ZNF577: variants seen among roughly 807,000 people sequenced by gnomAD.
The protein encoded by ZNF577 is zinc finger protein 577.
In ZNF577, 14 loss-of-function variants were observed where a neutral mutation model predicts 13.9. That is an observed-to-expected ratio of 1.00 (90% CI 0.66 to 1.57). The LOEUF (loss-of-function observed/expected upper bound fraction) is 1.57, where lower values mean the gene tolerates loss of function less well. ZNF577 is among the 40% of genes most tolerant of loss of function. The probability of loss-of-function intolerance (pLI) is 0.00; values close to 1 mark genes in which losing one functional copy is unlikely to be tolerated. For missense variants in ZNF577, 555 were observed against 579.2 expected (o/e 0.96, Z 0.43); for synonymous variants, 203 against 202.9 (o/e 1.00, Z 0.00).
intron 5 of ZNF577, 112 bp downstream of exon 5, chr19:51,877,170 C>T (rs2122690506): frequency 2.4e-6 from 2 of 825,776 alleles, no homozygotes; most frequent in East Asian, 2.6e-5. Context: ...GTTTCTGGGC[C>T]ACCAACTACT....
downstream of ZNF577, chr19:51,862,827 C>T (rs1193489944): frequency 2.6e-5 from 4 of 152,716 alleles, no homozygotes. Flanking sequence ...CATATGGTTT[C>T]TCTCCTGTGT....
At position 51,857,406 on chromosome 19, in the gene ZNF577, GAA is replaced by G. The variant is rs1555745866; in HGVS notation, c.284-12477_284-12476del. On this transcript the variant is annotated intron_variant and NMD_transcript_variant, in intron 5 of 10. Coordinates refer to the ZNF577 transcript ENST00000638827. ...AGAAAGAAAGAAAGAAAGAAAGAAA[GAA>G]AGAAAGAAAGAAAGAAAGAAAAGAA... Among the ~76,000 whole-genome samples the G allele has an allele frequency of 3.2e-4, 39 of 123,610 alleles. 1 individual carries two copies. The highest frequency in any genetic ancestry group is 2.3e-4 in the Non-Finnish European group (14 of 61,854). 81.1% of individuals were successfully genotyped at this position (123,610 alleles called of 152,430 possible).
intron 5 of ZNF577, among the ~76,000 whole-genome samples, chr19:51,875,499 C>T (rs1313404585): frequency 6.6e-6 from 1 of 152,060 alleles, no homozygotes; most frequent in Admixed American, 6.5e-5. Context: ...TGATCAAATG[C>T]ACAGATGTCA....
Position 51,872,538 on chromosome 19 carries a change from T to C in ZNF577, c.1452A>G (p.Ser484=), listed in dbSNP as rs1405961761. ...CTTTCTGGTATCAGAAGATTTATTC[T>C]GATACAATATCTGTAAGATACAAGA... ...NYILYLTDIV[S]E is the part of the protein sequence containing the mutation. Residue 484 remains serine, a synonymous_variant, in exon 6 of 6, where the codon TCA becomes TCG. Coordinates refer to ENST00000638348, the MANE Select transcript of ZNF577 (RefSeq NM_001370449.1). 3 of 1,572,516 alleles carry C rather than the reference T, an allele frequency of 1.9e-6. No homozygotes were observed. The highest frequency in any genetic ancestry group is 2.2e-5 in the East Asian group (1 of 44,452).
At chr19:51,882,943 T>C (rs181844549) in intron 1 of ZNF577, among the ~76,000 whole-genome samples, 123 of 152,126 alleles carry the variant, frequency 8.1e-4, no homozygotes, top group East Asian at 7.3e-3. Context: ...CCTTTGGATA[T>C]GGCTGACTGC....
intron 9 of ZNF577, among the ~76,000 whole-genome samples, chr19:51,837,191 C>T (rs1438954565): frequency 3.9e-5 from 6 of 152,020 alleles, no homozygotes. Context: ...AGAGGGAAGG[C>T]TCCGGTTTTA....
intron 9 of ZNF577, among the ~76,000 whole-genome samples, chr19:51,818,104 C>T (rs1167912987): frequency 6.6e-6 from 1 of 151,840 alleles, no homozygotes; most frequent in Admixed American, 6.6e-5. Flanking sequence ...AGCAAACTGT[C>T]GCAAGGACAA....
At chr19:51,850,958 G>A (rs898890731) in intron 5 of ZNF577, among the ~76,000 whole-genome samples, 1 of 152,100 alleles carries the variant, frequency 6.6e-6, no homozygotes, top group Non-Finnish European at 1.5e-5. Flanking sequence ...GTAAGTTGAA[G>A]GTGATTTTTA....
intron 5 of ZNF577, among the ~76,000 whole-genome samples, chr19:51,851,545 T>G (rs2084378647): frequency 6.6e-6 from 1 of 152,170 alleles, no homozygotes; most frequent in Non-Finnish European, 1.5e-5. Context: ...GAGTCCTAAC[T>G]ACTAAGCTCA....
chr19:51,884,957 T>G (rs979239199), intron 1 of ZNF577, among the ~76,000 whole-genome samples: 1 of 152,248 alleles, frequency 6.6e-6, no homozygotes, highest in African/African-American at 2.4e-5. Context: ...TGATATTGAT[T>G]TATAGCTTAA....
At chr19:51,843,535 C>T (rs563864195) in intron 6 of ZNF577, among the ~76,000 whole-genome samples, 5 of 152,208 alleles carry the variant, frequency 3.3e-5, no homozygotes, top group African/African-American at 1.2e-4. Context: ...TTCATTTGCC[C>T]GATGTAAAGT....
At chr19:51,833,092 T>C (rs1417548758) in intron 9 of ZNF577, among the ~76,000 whole-genome samples, 1 of 152,234 alleles carries the variant, frequency 6.6e-6, no homozygotes, top group East Asian at 1.9e-4. Context: ...ACTGATGTCT[T>C]AATCATATTC....
chr19:51,873,488 A>G lies in ZNF577; in HGVS notation c.502T>C (p.Ser168Pro). ...TGTTGAATAAGCTGTGCTTTCCTGG[A>G]GAAGGCTCTCCCGCACACACTGCAT... ...HECSVCGRAF[S>P]RKAQLIQHQR... The change falls in exon 6 of 6, where the codon TCC becomes CCC. Residue 168 changes from serine (S) to proline (P), a missense_variant. Coordinates refer to ENST00000638348, the MANE Select transcript of ZNF577 (RefSeq NM_001370449.1). The G allele has an allele frequency of 1.2e-6, 2 of 1,614,176 alleles. No homozygotes were observed. The highest frequency in any genetic ancestry group is 2.2e-5 in the South Asian group (2 of 91,080).
rs774955674 is a variant in ZNF577, at chr19:51,873,248, C to T, written c.742G>A (p.Gly248Arg). The T allele has an allele frequency of 8.7e-6, 14 of 1,612,910 alleles. No individual in the cohort carries two copies. In the African/African-American group the frequency reaches 9.3e-5, roughly 11 times the overall value. ...CGGCACTTCCGGCTGAAGGCTTTTC[C>T]GCATTTGCTGCATCTGTAGGGTTTC... ...GEKPYRCSKCGKAFSRKCRLN... is the reference protein window; with the variant it reads ...GEKPYRCSKCRKAFSRKCRLN... The change falls in exon 6 of 6, where the codon GGA becomes AGA. Residue 248 changes from glycine (G) to arginine (R), a missense_variant. Coordinates refer to ENST00000638348, the MANE Select transcript of ZNF577 (RefSeq NM_001370449.1).
rs189285817 is a variant in ZNF577 at position 51,869,200 on chromosome 19, T to C, written c.*3332A>G. The stretch of plus-strand genomic sequence containing the variant: ...GCAGTTGAGATAAGAGGAAGGCATC[T>C]GTCTCTTGCTCGTCCCTGGGAATGG... On this transcript the variant is annotated 3_prime_UTR_variant, in exon 6 of 6. Transcript: ENST00000638348. Among the ~76,000 whole-genome samples, 1 of 152,330 alleles carries C rather than the reference T, an allele frequency of 6.6e-6. No homozygotes were observed. Among genetic ancestry groups the C allele is most frequent in the East Asian group, 1.9e-4 (1 of 5,182 alleles).
At chr19:51,810,400 T>C (rs2084088135) in intron 10 of ZNF577, among the ~76,000 whole-genome samples, 1 of 152,088 alleles carries the variant, frequency 6.6e-6, no homozygotes, top group Non-Finnish European at 1.5e-5. Context: ...TTGTAAGAAA[T>C]TGCACATAGG....
Position 51,807,973 on chromosome 19 carries a change from A to G in ZNF577, c.*818-2719T>C, listed in dbSNP as rs566828776. Among the ~76,000 whole-genome samples, 3 of 152,364 alleles carry G rather than the reference A, an allele frequency of 2.0e-5. No individual in the cohort carries two copies. The South Asian group carries it at 6.2e-4, about 32-fold the overall frequency. ...AACCATTCTATTACTGTTACAGACT[A>G]GTCTATAAACTGGCCCAAAAGTCCT... On this transcript the variant is annotated intron_variant and NMD_transcript_variant, in intron 10 of 10. Transcript: ENST00000638827.
chr19:51,860,037 A>C (rs2084480006), intron 5 of ZNF577, among the ~76,000 whole-genome samples: 2 of 152,252 alleles, frequency 1.3e-5, no homozygotes, highest in South Asian at 4.1e-4. Flanking sequence ...TATTCTCTGG[A>C]ATCCTTTCTA....
Position 51,867,749 on chromosome 19 carries a change from C to T in ZNF577, c.*4783G>A, listed in dbSNP as rs2084588521. On this transcript the variant is annotated 3_prime_UTR_variant, in exon 6 of 6. Transcript: ENST00000638348. The stretch of plus-strand genomic sequence containing the variant: ...GCAGTGACCCACGATTACGCCACTG[C>T]ACTCCAGCCTGGGCAAAAGAGCGAA... 6.6e-6 allele frequency among the ~76,000 whole-genome samples: 1 copy of T among 152,100 alleles called. No individual in the cohort carries two copies. The highest frequency in any genetic ancestry group is 1.5e-5 in the Non-Finnish European group (1 of 68,026).
Sources: gnomAD v4.1 joint callset for allele counts (sites outside exome capture counted in the v4.1 genomes callset) on GRCh38, gnomAD v4.1.1 for gene constraint, MANE v1.5 for transcripts, NCBI Gene and HGNC (gene_info 2026-07-23, HGNC 2026-07-21) for gene names.